Variants in WHRN observed in about 807,000 individuals in gnomAD.
WHRN encodes the protein whirlin.
In WHRN, 41 loss-of-function variants were observed where a neutral mutation model predicts 68.3. That is an observed-to-expected ratio of 0.60 (90% CI 0.47 to 0.78). The LOEUF (loss-of-function observed/expected upper bound fraction) is 0.78. Among genes scored for constraint, WHRN ranks in the 30% least tolerant of loss-of-function variants. The probability of loss-of-function intolerance (pLI) is 0.00; values close to 1 mark genes in which losing one functional copy is unlikely to be tolerated. For missense variants in WHRN, 1,243 were observed against 1,244.7 expected, an observed-to-expected ratio of 1.00 and a Z score of 0.02; for synonymous variants, 560 against 561.3, an observed-to-expected ratio of 1.00 and a Z score of 0.03.
intron 1 of WHRN, among the ~76,000 whole-genome samples, chr9:114,497,652 C>T (rs1843577827): frequency 6.6e-6 from 1 of 152,120 alleles, no homozygotes; most frequent in African/African-American, 2.4e-5. Flanking sequence ...AATCAGGCTG[C>T]TGAAATAACC....
At chr9:114,441,919 C>T (rs1045485457) in intron 3 of WHRN, among the ~76,000 whole-genome samples, 4 of 152,190 alleles carry the variant, frequency 2.6e-5, no homozygotes, top group Admixed American at 6.5e-5. Flanking sequence ...ACCTGGCAGA[C>T]ATTACTTACC....
At position 114,406,753 on chromosome 9, in the gene WHRN, A is replaced by G. The variant is rs942519; in HGVS notation, c.1838T>C (p.Met613Thr). 865,430 of 1,613,758 alleles carry G rather than the reference A, an allele frequency of 0.54. 234,027 individuals carry two copies. Among genetic ancestry groups the G allele is most frequent in the South Asian group, 0.59 (54,162 of 91,068 alleles). The change falls in exon 9 of 12, where the codon ATG (methionine) becomes ACG (threonine). Residue 613 changes from methionine to threonine, a missense_variant. Met to Thr is a moderately conservative substitution (Grantham distance 81). Coordinates refer to ENST00000362057, the MANE Select transcript of WHRN (RefSeq NM_015404.4). ...GAAGACAGTGCCCGAGCAGGAAGGC[A>G]TGGAGGAAGGTGGCTGGAGGTCCTC... ...GREDLQPPSS[M>T]PSCSGTVFSA...
At position 114,504,972 on chromosome 9, in the gene WHRN, G is replaced by A; in HGVS notation, c.-171C>T. On this transcript the variant is annotated 5_prime_UTR_variant, in exon 1 of 12. Coordinates refer to ENST00000362057, the MANE Select transcript of WHRN (RefSeq NM_015404.4). The stretch of plus-strand genomic sequence containing the variant: ...TGGATCCTAGGGGGTCGCGGAGACC[G>A]CTGCTAGAGTCCCGGAGGCGCGAAG... The A allele has an allele frequency of 1.0e-6, 1 of 989,820 alleles. No homozygotes were observed. Among genetic ancestry groups the A allele is most frequent in the Non-Finnish European group, 1.3e-6 (1 of 754,136 alleles). The allele number at this position is 989,820 out of a possible 1,614,324, so 61.3% of individuals were successfully genotyped here.
Position 114,423,305 on chromosome 9 carries a change from G to T in WHRN, c.1626+9C>A, listed in dbSNP as rs727504908. ...CTACTAAGCCAGGGACAAGGCAGAA[G>T]AAGCTCACCCTGGCCGAGCTGACGG... On this transcript the variant is annotated intron_variant, in intron 7 of 11. Transcript: ENST00000362057. The T allele has an allele frequency of 1.2e-6, 2 of 1,613,792 alleles. No individual in the cohort carries two copies. Among genetic ancestry groups the T allele is most frequent in the Non-Finnish European group, 1.7e-6 (2 of 1,179,812 alleles).
chr9:114,414,951 C>G (rs558316483), intron 7 of WHRN, among the ~76,000 whole-genome samples: 9 of 152,300 alleles, frequency 5.9e-5, no homozygotes, highest in African/African-American at 1.9e-4. Context: ...TGGTCACCCG[C>G]ATCCACCTTG....
chr9:114,403,957 TTGG>T lies in WHRN; in HGVS notation c.2354_2356del (p.Thr785del), dbSNP rs775732107. 2 of 1,611,658 alleles carry T rather than the reference TTGG, an allele frequency of 1.2e-6. No individual in the cohort carries two copies. The highest frequency in any genetic ancestry group is 2.2e-5 in the East Asian group (1 of 44,882). ...AGGCAGCTCCTTGCTACTCCTGCTC[TTGG>T]TGGACACCGACTGCCTTCCTCGGCC... On this transcript the variant is annotated inframe_deletion, in exon 10 of 12. Transcript: ENST00000362057.
In WHRN at chr9:114,423,316, T is replaced by C. The variant is rs148537516; in HGVS notation, c.1624A>G (p.Arg542Gly). 5 of 1,613,774 alleles carry C rather than the reference T, an allele frequency of 3.1e-6. No individual in the cohort carries two copies. In the African/African-American group the frequency reaches 4.0e-5, roughly 13 times the overall value. Residue 542 changes from arginine (R) to glycine (G), a missense_variant and splice_region_variant, in exon 7 of 12, where the codon AGG becomes GGG. Coordinates refer to ENST00000362057, the MANE Select transcript of WHRN (RefSeq NM_015404.4). Reference sequence around the variant, plus strand: ...GGGACAAGGCAGAAGAAGCTCACCCTGGCCGAGCTGACGGTGGTGGAGGTG... The same window carrying C: ...GGGACAAGGCAGAAGAAGCTCACCCCGGCCGAGCTGACGGTGGTGGAGGTG... ...HGTSTTVSSA[R>G]NTLDLEETGE...
chr9:114,478,818 G>A (rs368126093), intron 1 of WHRN, 47 bp from the exon 2 acceptor site: 109 of 1,564,272 alleles, frequency 7.0e-5, no homozygotes, highest in Non-Finnish European at 9.1e-5. Context: ...GGTGCCGGGG[G>A]TGTGGAGGAA....
chr9:114,407,867 G>T, intron 8 of WHRN, 80 bp downstream of exon 8: 1 of 1,229,954 alleles, frequency 8.1e-7, no homozygotes, highest in Non-Finnish European at 1.2e-6. Context: ...CTTTCTCCGT[G>T]GCTGTCATGG....
chr9:114,474,381 A>C (rs944347201), intron 2 of WHRN, among the ~76,000 whole-genome samples: 1 of 152,132 alleles, frequency 6.6e-6, no homozygotes, highest in Non-Finnish European at 1.5e-5. Context: ...CTCGCCAGCT[A>C]AGAGAATGCC....
At chr9:114,413,795 C>G (rs1003969431) in intron 7 of WHRN, among the ~76,000 whole-genome samples, 22 of 152,184 alleles carry the variant, frequency 1.4e-4, no homozygotes, top group African/African-American at 5.3e-4. Context: ...AGGGAGCTCT[C>G]TGGGAAGCTT....
At chr9:114,483,427 G>A (rs570715683) in intron 1 of WHRN, among the ~76,000 whole-genome samples, 66 of 152,236 alleles carry the variant, frequency 4.3e-4, no homozygotes, top group Non-Finnish European at 6.5e-4. Flanking sequence ...TTATTTTAAC[G>A]GGCATCATTC....
In WHRN at chr9:114,504,715, GC is replaced by G; in HGVS notation, c.86del (p.Gly29AlafsTer18). ...TGGCAGACAGTAACCGCAGCCCCGC[GC>G]CCCCGCCGCCGCCCGCCCCGGCCGC... ...GSAAGAGGGG[G>X]AGLRLLSANV... On this transcript the variant is annotated frameshift_variant, in exon 1 of 12. Transcript: ENST00000362057. LOFTEE classifies it high-confidence loss of function. The G allele has an allele frequency of 6.6e-7, 1 of 1,513,988 alleles. No individual in the cohort carries two copies. 93.8% of individuals were successfully genotyped at this position (1,513,988 alleles called of 1,614,324 possible).
chr9:114,465,918 GC>G (rs1452882731), intron 3 of WHRN, among the ~76,000 whole-genome samples: 1 of 152,178 alleles, frequency 6.6e-6, no homozygotes, highest in African/African-American at 2.4e-5. Flanking sequence ...TGGATTGAAT[GC>G]CAGGCCTGAA....
At position 114,477,162 on chromosome 9, in the gene WHRN, G is replaced by A. The variant is rs1464320354; in HGVS notation, c.837+1391C>T. Reference sequence around the variant, plus strand: ...AATAGAAGCTGCTGTGATCTCTGCCGCGTCCTGCATATTGACGTTTCAGCA... The same window carrying A: ...AATAGAAGCTGCTGTGATCTCTGCCACGTCCTGCATATTGACGTTTCAGCA... On this transcript the variant is annotated intron_variant, in intron 2 of 11. Transcript: ENST00000362057. Among the ~76,000 whole-genome samples the A allele has an allele frequency of 2.6e-5, 4 of 152,286 alleles. No homozygotes were observed. In the South Asian group the frequency reaches 6.2e-4, roughly 24 times the overall value.
intron 1 of WHRN, among the ~76,000 whole-genome samples, chr9:114,499,156 G>T (rs777913785): frequency 6.6e-6 from 1 of 152,176 alleles, no homozygotes; most frequent in Non-Finnish European, 1.5e-5. Flanking sequence ...AACCACAAGT[G>T]CACTTGCCCC....
Position 114,424,358 on chromosome 9 carries a change from G to T in WHRN, c.1392C>A (p.Phe464Leu). The change falls in exon 6 of 12, where the codon TTC (phenylalanine) becomes TTA (leucine). Residue 464 changes from phenylalanine to leucine, a missense_variant. Coordinates refer to ENST00000362057, the MANE Select transcript of WHRN (RefSeq NM_015404.4). ...CCTTGGCGTGGGTGTTGAGCAGCTT[G>T]AACAGGGCCATGACGAGGGCCTCCA... The part of the protein sequence containing the change: ...VSVEALVMAL[F>L]KLLNTHAKFS... 1.2e-6 allele frequency: 2 copies of T among 1,612,328 alleles called. No individual in the cohort carries two copies. Among genetic ancestry groups the T allele is most frequent in the Non-Finnish European group, 1.7e-6 (2 of 1,180,008 alleles).
intron 10 of WHRN, 67 bp from the exon 11 acceptor site, chr9:114,403,406 C>G: frequency 6.2e-7 from 1 of 1,607,562 alleles, no homozygotes; most frequent in Non-Finnish European, 8.5e-7. Flanking sequence ...GGGGCTGGGC[C>G]GGGCCGTGAC....
At chr9:114,435,826 C>T (rs914315816) in intron 3 of WHRN, among the ~76,000 whole-genome samples, 2 of 152,136 alleles carry the variant, frequency 1.3e-5, no homozygotes, top group African/African-American at 2.4e-5. Context: ...GAAAAAACTA[C>T]CAAGGAATAA....
Sources: gnomAD v4.1 joint callset for allele counts (sites outside exome capture counted in the v4.1 genomes callset) on GRCh38, gnomAD v4.1.1 for gene constraint, MANE v1.5 for transcripts, NCBI Gene and HGNC (gene_info 2026-07-23, HGNC 2026-07-21) for gene names.